Variants in KCNB2 observed in about 807,000 individuals in gnomAD.
KCNB2 encodes potassium voltage-gated channel subfamily B member 2.
KCNB2 carries 15 observed loss-of-function variants against 61.5 expected under a neutral mutation model. The ratio of observed to expected loss-of-function variants is 0.24; its 90% CI spans 0.16 to 0.38. KCNB2 has a LOEUF of 0.38. Ranked by LOEUF, KCNB2 falls within the 10% of genes least tolerant of loss-of-function variation. The pLI, the probability that KCNB2 is intolerant of heterozygous loss-of-function variation, is 1.00. For missense variants in KCNB2, 828 were observed against 1,125.2 expected (o/e 0.74, Z 3.78); for synonymous variants, 457 against 446.0 (o/e 1.02, Z -0.31).
chr8:72,738,290 T>A (rs939130488), intron 2 of KCNB2, among the ~76,000 whole-genome samples: 1 of 152,178 alleles, frequency 6.6e-6, no homozygotes, highest in Non-Finnish European at 1.5e-5. Context: ...TACAAACATG[T>A]ATCTTTCTGC....
At chr8:72,825,796 G>C (rs755640511) in intron 2 of KCNB2, among the ~76,000 whole-genome samples, 3 of 151,892 alleles carry the variant, frequency 2.0e-5, no homozygotes, top group Non-Finnish European at 4.4e-5. Context: ...TCTGGATATC[G>C]GTCCCTTATC....
intron 2 of KCNB2, among the ~76,000 whole-genome samples, chr8:72,906,771 G>A (rs1285025876): frequency 6.6e-6 from 1 of 152,132 alleles, no homozygotes; most frequent in Non-Finnish European, 1.5e-5. Context: ...TGCCAGCAGA[G>A]CTACCAGTTG....
chr8:72,656,591 G>A (rs367741705), intron 2 of KCNB2, among the ~76,000 whole-genome samples: 1 of 152,106 alleles, frequency 6.6e-6, no homozygotes, highest in East Asian at 1.9e-4. Flanking sequence ...TTTGTTATAT[G>A]AAAAATGTGT....
At chr8:72,678,256 T>C (rs1427221871) in intron 2 of KCNB2, among the ~76,000 whole-genome samples, 2 of 152,190 alleles carry the variant, frequency 1.3e-5, no homozygotes, top group Non-Finnish European at 2.9e-5. Flanking sequence ...TGAAACCATA[T>C]TGCATTAATA....
At chr8:72,843,751 A>T (rs1585926192) in intron 2 of KCNB2, among the ~76,000 whole-genome samples, 3 of 152,110 alleles carry the variant, frequency 2.0e-5, no homozygotes, top group Non-Finnish European at 4.4e-5. Context: ...AGAGACTGGG[A>T]TTGCAACCCC....
chr8:72,582,800 T>C (rs536757535), intron 2 of KCNB2, among the ~76,000 whole-genome samples: 1 of 152,168 alleles, frequency 6.6e-6, no homozygotes, highest in South Asian at 2.1e-4. Flanking sequence ...ATTATTTTTT[T>C]TGTAGAGACG....
At chr8:72,565,887 A>G (rs1000272473) in intron 1 of KCNB2, among the ~76,000 whole-genome samples, 2 of 152,226 alleles carry the variant, frequency 1.3e-5, no homozygotes, top group African/African-American at 4.8e-5. Flanking sequence ...GCTTGGTGAT[A>G]GGAATGTAAT....
chr8:72,699,334 C>G (rs545380334), intron 2 of KCNB2, among the ~76,000 whole-genome samples: 2 of 152,194 alleles, frequency 1.3e-5, no homozygotes, highest in African/African-American at 4.8e-5. Context: ...TTGCATTTCT[C>G]TAATGATCAG....
At chr8:72,714,722 A>G (rs1807395543) in intron 2 of KCNB2, among the ~76,000 whole-genome samples, 1 of 152,210 alleles carries the variant, frequency 6.6e-6, no homozygotes, top group Non-Finnish European at 1.5e-5. Context: ...AATTGTAAAG[A>G]CCATCAAGGC....
At chr8:72,890,790 C>T (rs1034985350) in intron 2 of KCNB2, among the ~76,000 whole-genome samples, 2 of 152,186 alleles carry the variant, frequency 1.3e-5, no homozygotes, top group African/African-American at 4.8e-5. Flanking sequence ...GGTTCCACTG[C>T]TTTTGCCCGT....
chr8:72,807,088 A>G (rs1269401883), intron 2 of KCNB2, among the ~76,000 whole-genome samples: 3 of 152,238 alleles, frequency 2.0e-5, no homozygotes, highest in Admixed American at 6.5e-5. Flanking sequence ...GCAGCCCACT[A>G]CAAAAACCCC....
intron 2 of KCNB2, among the ~76,000 whole-genome samples, chr8:72,916,107 C>T (rs973513654): frequency 6.6e-6 from 1 of 152,108 alleles, no homozygotes; most frequent in Non-Finnish European, 1.5e-5. Flanking sequence ...GCCAGGAGAT[C>T]CATGGAGTGG....
chr8:72,696,897 A>C (rs1368636187), intron 2 of KCNB2, among the ~76,000 whole-genome samples: 1 of 152,156 alleles, frequency 6.6e-6, no homozygotes, highest in Non-Finnish European at 1.5e-5. Context: ...GGCTCTGTGT[A>C]ATTAATTTGT....
chr8:72,925,735 T>C (rs1165023611), intron 2 of KCNB2, among the ~76,000 whole-genome samples: 1 of 152,196 alleles, frequency 6.6e-6, no homozygotes, highest in African/African-American at 2.4e-5. Flanking sequence ...AGTAATCCCA[T>C]TACTGGGTTT....
chr8:72,660,295 G>A (rs552424830), intron 2 of KCNB2, among the ~76,000 whole-genome samples: 12 of 152,236 alleles, frequency 7.9e-5, no homozygotes, highest in South Asian at 2.1e-4. Context: ...ATGGAGCCCC[G>A]GGAAGTGCTT....
chr8:72,644,967 G>A (rs1806107401), intron 2 of KCNB2, among the ~76,000 whole-genome samples: 1 of 152,196 alleles, frequency 6.6e-6, no homozygotes, highest in Admixed American at 6.5e-5. Context: ...GAAGGATGGA[G>A]AAAAGAATGC....
intron 1 of KCNB2, among the ~76,000 whole-genome samples, chr8:72,545,447 G>A (rs1806245311): frequency 6.6e-6 from 1 of 152,092 alleles, no homozygotes; most frequent in African/African-American, 2.4e-5. Flanking sequence ...AAATGTTATT[G>A]TTATATAGGT....
chr8:72,545,126 A>T (rs567962814), intron 1 of KCNB2, among the ~76,000 whole-genome samples: 1 of 152,186 alleles, frequency 6.6e-6, no homozygotes, highest in African/African-American at 2.4e-5. Context: ...CCTGAATCTC[A>T]CCTAGTCACT....
chr8:72,826,919 T>C (rs1430441122), intron 2 of KCNB2, among the ~76,000 whole-genome samples: 1 of 152,212 alleles, frequency 6.6e-6, no homozygotes. Context: ...ATAGCATCTT[T>C]GTATTGCTTT....
Sources: gnomAD v4.1 joint callset for allele counts (sites outside exome capture counted in the v4.1 genomes callset) on GRCh38, gnomAD v4.1.1 for gene constraint, MANE v1.5 for transcripts, NCBI Gene and HGNC (gene_info 2026-07-23, HGNC 2026-07-21) for gene names.